PRDM1: variants seen among roughly 807,000 people sequenced by gnomAD.
The protein encoded by PRDM1 is PR/SET domain 1, also known as PR domain zinc finger protein 1.
Under a neutral mutation model 62.8 loss-of-function variants are expected in PRDM1, and 13 were observed. That is an observed-to-expected ratio of 0.21 (90% CI 0.13 to 0.33). The LOEUF is 0.33. Ranked by LOEUF, PRDM1 falls within the 10% of genes least tolerant of loss-of-function variation. The pLI is 1.00. For synonymous variants in PRDM1, 396 were observed against 417.6 expected (o/e 0.95, Z 0.63); for missense variants, 895 against 1,058.8 (o/e 0.85, Z 2.15).
intron 3 of PRDM1, chr6:106,098,675 T>C: frequency 7.4e-7 from 1 of 1,357,896 alleles, no homozygotes; most frequent in South Asian, 1.2e-5. Flanking sequence ...CGCTTTGTTA[T>C]GGCAGGTGAA....
In PRDM1 at chr6:106,105,952, C is replaced by CTCT; in HGVS notation, c.1773+19_1773+20insTCT. The CTCT allele has an allele frequency of 6.2e-7, 1 of 1,604,704 alleles. No homozygotes were observed. Among genetic ancestry groups the CTCT allele is most frequent in the Non-Finnish European group, 8.5e-7 (1 of 1,175,080 alleles). On this transcript the variant is annotated intron_variant, in intron 5 of 6. Coordinates refer to ENST00000369096, the MANE Select transcript of PRDM1 (RefSeq NM_001198.4). Reference sequence around the variant, plus strand: ...TCTGAAGGTAGGCCTTGAGAGAGAGCAGTCCAAGGGGCTGTGAGTGCATGC... The same window carrying CTCT: ...TCTGAAGGTAGGCCTTGAGAGAGAGCTCTAGTCCAAGGGGCTGTGAGTGCATGC...
chr6:106,105,391 C>T lies in PRDM1; in HGVS notation c.1231C>T (p.Pro411Ser), dbSNP rs1774438988. The T allele has an allele frequency of 6.2e-7, 1 of 1,614,180 alleles. No individual in the cohort carries two copies. Among genetic ancestry groups the T allele is most frequent in the African/African-American group, 1.3e-5 (1 of 75,054 alleles). ...CATCCCCTCGTACAACGCTCACTAC[C>T]CCAAGTTCCTCTTGCCCCCCTACGG... ...AFIPSYNAHY[P>S]KFLLPPYGMN... The change falls in exon 5 of 7, where the codon CCC (proline) becomes TCC (serine). Residue 411 changes from proline (P) to serine (S), a missense_variant. This residue lies in a region of PRDM1 where 444 missense variants were observed against 422.7 expected (regional missense o/e 1.05). Coordinates refer to ENST00000369096, the MANE Select transcript of PRDM1 (RefSeq NM_001198.4).
At position 106,107,807 on chromosome 6, in the gene PRDM1, C is replaced by T. The variant is rs191768124; in HGVS notation, c.*321C>T. 37 of 231,314 alleles carry T rather than the reference C, an allele frequency of 1.6e-4. No homozygotes were observed. Among genetic ancestry groups the T allele is most frequent in the African/African-American group, 7.3e-4 (33 of 45,214 alleles). The allele number at this position is 231,314 out of a possible 1,614,324, so 14.3% of individuals were successfully genotyped here. A position where few individuals can be genotyped will look rare whatever the true frequency, so the allele number is the denominator to read the frequency against. On this transcript the variant is annotated 3_prime_UTR_variant, in exon 7 of 7. Coordinates refer to ENST00000369096, the MANE Select transcript of PRDM1 (RefSeq NM_001198.4). ...TTGCATAGCCTTCCCATTACTAAGA[C>T]TATTACCTAGTCATAATTATTTTTT... is the stretch of plus-strand genomic sequence containing the variant.
intron 3 of PRDM1, among the ~76,000 whole-genome samples, chr6:106,096,438 G>A (rs746253763): frequency 1.2e-4 from 18 of 152,134 alleles, no homozygotes; most frequent in Non-Finnish European, 2.9e-5. Context: ...GAGCCACCGC[G>A]CCCAGCCAGG....
intron 1 of PRDM1, chr6:106,071,991 C>T (rs1227046704): frequency 1.3e-5 from 2 of 152,180 alleles, no homozygotes; most frequent in Non-Finnish European, 2.9e-5. Context: ...ACTTGGACAT[C>T]AGGATATTTT....
At chr6:106,095,560 A>G in intron 2 of PRDM1, 55 bp from the exon 3 acceptor site, 1 of 1,582,410 alleles carries the variant, frequency 6.3e-7, no homozygotes, top group Non-Finnish European at 8.6e-7. Context: ...AATTGAAAAG[A>G]TTGGTTAACA....
At chr6:105,995,986 A>G (rs1772345303) in intron 1 of PRDM1, among the ~76,000 whole-genome samples, 1 of 152,212 alleles carries the variant, frequency 6.6e-6, no homozygotes. Context: ...TAAGTAGGAT[A>G]TGACCCTTCT....
At chr6:106,095,446 C>G (rs569250456) in intron 2 of PRDM1, among the ~76,000 whole-genome samples, 169 bp from the exon 3 acceptor site, 3 of 152,126 alleles carry the variant, frequency 2.0e-5, no homozygotes, top group South Asian at 2.1e-4. Flanking sequence ...ATGGTCTCCC[C>G]CTATGGTGAA....
In PRDM1 at chr6:106,099,571, A is replaced by C; in HGVS notation, c.664+19A>C. Reference sequence around the variant, plus strand: ...AATCTCAGTAAGTGGATTACAGAACAAAAAAATAAAAAATGCCAGTAATGT... The same window carrying C: ...AATCTCAGTAAGTGGATTACAGAACCAAAAAATAAAAAATGCCAGTAATGT... On this transcript the variant is annotated intron_variant, in intron 4 of 6. Transcript: ENST00000369096. The C allele has an allele frequency of 6.2e-7, 1 of 1,610,444 alleles. No homozygotes were observed. The highest frequency in any genetic ancestry group is 8.5e-7 in the Non-Finnish European group (1 of 1,177,696).
At chr6:106,073,501 A>G (rs1053239135) in intron 1 of PRDM1, among the ~76,000 whole-genome samples, 1 of 152,208 alleles carries the variant, frequency 6.6e-6, no homozygotes, top group Non-Finnish European at 1.5e-5. Flanking sequence ...GTTCTGAATA[A>G]TGATTAAGCC....
chr6:106,038,014 C>CTTTTTTTTTTTTTTTTTTT lies in PRDM1; in HGVS notation c.-67+44377_-67+44395dup, dbSNP rs1227783243. On this transcript the variant is annotated intron_variant, in intron 1 of 6. Coordinates refer to the PRDM1 transcript ENST00000652320. ...CTTTCCTATGGTTTGCTATTTTTGT[C>CTTTTTTTTTTTTTTTTTTT]TTTTTTTTTTTTTTTTTTTTGAGAC... Among the ~76,000 whole-genome samples the CTTTTTTTTTTTTTTTTTTT allele has an allele frequency of 5.7e-3, 274 of 47,794 alleles. 88 individuals are homozygous for CTTTTTTTTTTTTTTTTTTT. Among genetic ancestry groups the CTTTTTTTTTTTTTTTTTTT allele is most frequent in the African/African-American group, 0.011 (133 of 11,660 alleles). 31.4% of individuals were successfully genotyped at this position (47,794 alleles called of 152,430 possible). A position where few individuals can be genotyped will look rare whatever the true frequency, so the allele number is the denominator to read the frequency against.
intron 1 of PRDM1, among the ~76,000 whole-genome samples, chr6:106,022,551 A>G (rs537746363): frequency 1.1e-3 from 168 of 151,976 alleles, no homozygotes; most frequent in Non-Finnish European, 1.9e-3. Context: ...CAGCCTCTCA[A>G]GTAGCTGGGG....
chr6:105,995,701 T>A (rs1207738551), intron 1 of PRDM1, among the ~76,000 whole-genome samples: 1 of 152,184 alleles, frequency 6.6e-6, no homozygotes, highest in Non-Finnish European at 1.5e-5. Context: ...TTCACAGTAT[T>A]ACATTGTCCT....
rs1156756482 is a variant in PRDM1, at chr6:105,994,661, C to A, written c.-67+1022C>A. Reference sequence around the variant, plus strand: ...GCCCGTCCTTTTGTCTGGAGTGTCGCGGGACTCCAGAAGTGGGTTGTGCAA... The same window carrying A: ...GCCCGTCCTTTTGTCTGGAGTGTCGAGGGACTCCAGAAGTGGGTTGTGCAA... On this transcript the variant is annotated intron_variant, in intron 1 of 6. Coordinates refer to the PRDM1 transcript ENST00000652320. The surrounding 1 kb of genome is among the most constrained non-coding windows in gnomAD (Gnocchi z 4.1). 1.3e-5 allele frequency among the ~76,000 whole-genome samples: 2 copies of A among 152,172 alleles called. No homozygotes were observed. The highest frequency in any genetic ancestry group is 1.3e-4 in the Admixed American group (2 of 15,280).
intron 1 of PRDM1, among the ~76,000 whole-genome samples, chr6:106,066,985 T>C (rs545422210): frequency 1.3e-5 from 2 of 152,316 alleles, no homozygotes; most frequent in Admixed American, 6.5e-5. Context: ...AATCTCCCAG[T>C]GAACTTAGTG....
Position 106,109,021 on chromosome 6 carries a change from A to T in PRDM1, c.*1535A>T, listed in dbSNP as rs1425203083. ...ATAAATCTATTTATACCACTATATC[A>T]TATGTATATATATTTATAACCACTT... On this transcript the variant is annotated 3_prime_UTR_variant, in exon 7 of 7. Transcript: ENST00000369096. 1 of 208,434 alleles carries T rather than the reference A, an allele frequency of 4.8e-6. No individual in the cohort carries two copies. The highest frequency in any genetic ancestry group is 2.3e-5 in the African/African-American group (1 of 43,698). 12.9% of individuals were successfully genotyped at this position (208,434 alleles called of 1,614,324 possible).
At chr6:106,093,278 AG>A (rs1254256591) in intron 2 of PRDM1, among the ~76,000 whole-genome samples, 1 of 152,222 alleles carries the variant, frequency 6.6e-6, no homozygotes, top group African/African-American at 2.4e-5. Flanking sequence ...GAAAACCTAG[AG>A]GCCCATTCTG....
chr6:106,071,494 A>C (rs1411628555), intron 1 of PRDM1, among the ~76,000 whole-genome samples: 1 of 152,028 alleles, frequency 6.6e-6, no homozygotes, highest in Non-Finnish European at 1.5e-5. Flanking sequence ...TTTTGCATTG[A>C]TTTTCTGGTA....
chr6:106,041,406 C>G (rs1772992596), intron 1 of PRDM1, among the ~76,000 whole-genome samples: 1 of 152,146 alleles, frequency 6.6e-6, no homozygotes, highest in African/African-American at 2.4e-5. Context: ...AAGAAAAAAG[C>G]CATTGCTTTA....
Sources: allele counts gnomAD v4.1 joint callset (sites outside exome capture counted in the v4.1 genomes callset), GRCh38; gene constraint gnomAD v4.1.1; regional missense constraint gnomAD v4.1.1; non-coding constraint Gnocchi (gnomAD v3.1); transcripts MANE v1.5; gene names NCBI Gene and HGNC (gene_info 2026-07-23, HGNC 2026-07-21).